LIMK2: variants seen among roughly 807,000 people sequenced by gnomAD.
LIMK2 encodes the protein LIM domain kinase 2.
LIMK2 carries 35 observed loss-of-function variants against 75.7 expected under a neutral mutation model. The observed-to-expected ratio is 0.46, with a 90% CI of 0.35 to 0.61. The LOEUF is 0.61. Among genes scored for constraint, LIMK2 ranks in the 20% least tolerant of loss-of-function variants. LIMK2 has a pLI of 0.00. For missense variants in LIMK2, 623 were observed against 831.0 expected (o/e 0.75, Z 3.08); for synonymous variants, 301 against 319.2 (o/e 0.94, Z 0.61).
At chr22:31,268,027 G>A in intron 10 of LIMK2, 117 bp from the exon 11 acceptor site, 1 of 1,530,628 alleles carries the variant, frequency 6.5e-7, no homozygotes, top group Non-Finnish European at 9.0e-7. Context: ...GGACCATGCT[G>A]GGTGGGACTG....
At chr22:31,243,522 C>T (rs181304515) in intron 2 of LIMK2, among the ~76,000 whole-genome samples, 2 of 152,228 alleles carry the variant, frequency 1.3e-5, no homozygotes, top group Admixed American at 6.5e-5. Context: ...TTGGGGCTGC[C>T]GGTTATGAAG....
chr22:31,277,327 AT>A (rs1246006107), intron 15 of LIMK2: 3 of 1,427,416 alleles, frequency 2.1e-6, no homozygotes, highest in African/African-American at 1.4e-5. Context: ...TTTTATTGTT[AT>A]TAAACTGATG....
rs74943022 is a variant in LIMK2 at position 31,246,784 on chromosome 22, A to C, written c.117-11507A>C. 1.1e-4 allele frequency among the ~76,000 whole-genome samples: 17 copies of C among 151,694 alleles called. No individual in the cohort carries two copies. In the East Asian group the frequency reaches 2.3e-3, roughly 21 times the overall value. On this transcript the variant is annotated intron_variant, in intron 2 of 15. Coordinates refer to ENST00000331728, the MANE Select transcript of LIMK2 (RefSeq NM_005569.4). The stretch of plus-strand genomic sequence containing the variant: ...AAAAAAAAAAAAACAAAAAAAAAAA[A>C]CACCCTCACCACTTATCAGCTATTT...
intron 2 of LIMK2, among the ~76,000 whole-genome samples, chr22:31,247,214 G>T (rs1479706148): frequency 1.4e-5 from 2 of 144,128 alleles, no homozygotes; most frequent in African/African-American, 5.7e-5. Flanking sequence ...AGTGAGATCT[G>T]AGTGTTCTGG....
chr22:31,233,435 T>C (rs2048545154), intron 2 of LIMK2, among the ~76,000 whole-genome samples: 1 of 152,220 alleles, frequency 6.6e-6, no homozygotes, highest in South Asian at 2.1e-4. Flanking sequence ...TCTCTGGTAA[T>C]ACCTGTTTGC....
chr22:31,221,857 AAC>A (rs1368895386), intron 1 of LIMK2, among the ~76,000 whole-genome samples: 3 of 152,126 alleles, frequency 2.0e-5, no homozygotes, highest in Non-Finnish European at 2.9e-5. Flanking sequence ...CTCTTTCCCC[AAC>A]ACAGTGTCAG....
In LIMK2 at chr22:31,275,270, G is replaced by A. The variant is rs117337633; in HGVS notation, c.1734G>A (p.Pro578=). 1.4e-5 allele frequency: 23 copies of A among 1,614,050 alleles called. No individual in the cohort carries two copies. The highest frequency in any genetic ancestry group is 2.7e-5 in the African/African-American group (2 of 74,912). The change falls in exon 15 of 16, where the codon CCG becomes CCA. Residue 578 remains proline, a synonymous_variant. Coordinates refer to ENST00000331728, the MANE Select transcript of LIMK2 (RefSeq NM_005569.4). Reference sequence around the variant, plus strand: ...CAGATTGTCCCCCGGCCTTCTTCCCGCTGGCCGCCATCTGCTGCAGACTGG... The same window carrying A: ...CAGATTGTCCCCCGGCCTTCTTCCCACTGGCCGCCATCTGCTGCAGACTGG... ...VPTDCPPAFF[P]LAAICCRLEP...
intron 2 of LIMK2, among the ~76,000 whole-genome samples, chr22:31,251,965 C>G (rs767617595): frequency 1.3e-5 from 2 of 152,162 alleles, no homozygotes. Flanking sequence ...ACTGGCTGTT[C>G]ACTGGGAGGT....
At chr22:31,246,248 A>C (rs2048669380) in intron 2 of LIMK2, among the ~76,000 whole-genome samples, 2 of 147,028 alleles carry the variant, frequency 1.4e-5, no homozygotes, top group South Asian at 4.3e-4. Context: ...GTGTGGTCCC[A>C]GGATGCACTG....
chr22:31,219,934 C>G (rs1053241406), intron 1 of LIMK2, among the ~76,000 whole-genome samples: 1 of 152,138 alleles, frequency 6.6e-6, no homozygotes, highest in Non-Finnish European at 1.5e-5. Flanking sequence ...GAGAGGTAAA[C>G]ACTATAGAGG....
chr22:31,233,573 G>A (rs1443972474), intron 2 of LIMK2, among the ~76,000 whole-genome samples: 1 of 152,162 alleles, frequency 6.6e-6, no homozygotes, highest in African/African-American at 2.4e-5. Flanking sequence ...CCTAAAATCA[G>A]TATCTCCAGC....
Position 31,275,266 on chromosome 22 carries a change from T to G in LIMK2, c.1730T>G (p.Phe577Cys). The change falls in exon 15 of 16, where the codon TTC becomes TGC. Residue 577 changes from phenylalanine to cysteine, a missense_variant. Phe to Cys is a radical substitution (Grantham distance 205). This residue lies in a region of LIMK2 where 63 missense variants were observed against 122.8 expected (regional missense o/e 0.51). Transcript: ENST00000331728. ...FVPTDCPPAF[F>C]PLAAICCRLE... ...CCCACAGATTGTCCCCCGGCCTTCT[T>G]CCCGCTGGCCGCCATCTGCTGCAGA... The G allele has an allele frequency of 6.2e-7, 1 of 1,614,198 alleles. No individual in the cohort carries two copies. Among genetic ancestry groups the G allele is most frequent in the Non-Finnish European group, 8.5e-7 (1 of 1,180,044 alleles).
intron 5 of LIMK2, among the ~76,000 whole-genome samples, chr22:31,261,545 C>CAAAAAAAAAAA (rs574806431): frequency 7.9e-6 from 1 of 126,370 alleles, no homozygotes; most frequent in East Asian, 3.1e-4. Flanking sequence ...GACTCCATCT[C>CAAAAAAAAAAA]AAAAAAAAAA....
chr22:31,273,704 G>T (rs2048982530), intron 14 of LIMK2, among the ~76,000 whole-genome samples, 197 bp downstream of exon 14: 1 of 152,114 alleles, frequency 6.6e-6, no homozygotes. Flanking sequence ...GACTGGCAGG[G>T]TTTTTTTGTT....
chr22:31,255,752 A>G (rs2048771789), intron 2 of LIMK2, among the ~76,000 whole-genome samples: 1 of 152,166 alleles, frequency 6.6e-6, no homozygotes. Flanking sequence ...GCAAGTTATA[A>G]TAATGCACTT....
In LIMK2 at chr22:31,230,415, T is replaced by C. The variant is rs141209960; in HGVS notation, c.116+4596T>C. ...CAGAGGACCTTGACAACTTTTTTGA[T>C]GATTGTCCGTTCACCCTGATCAAAG... On this transcript the variant is annotated intron_variant, in intron 2 of 15. Transcript: ENST00000331728. Among the ~76,000 whole-genome samples, 711 of 152,284 alleles carry C rather than the reference T, an allele frequency of 4.7e-3. 5 individuals carry two copies. Among genetic ancestry groups the C allele is most frequent in the African/African-American group, 0.016 (669 of 41,550 alleles).
intron 1 of LIMK2, among the ~76,000 whole-genome samples, chr22:31,217,801 T>C (rs1445344545): frequency 2.6e-5 from 4 of 152,232 alleles, no homozygotes; most frequent in Non-Finnish European, 5.9e-5. Context: ...CTGTCTCATT[T>C]GTCACTGCAG....
intron 2 of LIMK2, chr22:31,229,967 C>G (rs956806778): frequency 2.0e-5 from 3 of 152,032 alleles, no homozygotes; most frequent in Admixed American, 6.5e-5. Flanking sequence ...ATCTCCTGGA[C>G]ATATGGCTGA....
In LIMK2 at chr22:31,259,222, C is replaced by T. The variant is rs114180883; in HGVS notation, c.354C>T (p.Thr118=). Residue 118 remains threonine, a synonymous_variant, in exon 4 of 16, where the codon ACC becomes ACT. Coordinates refer to ENST00000331728, the MANE Select transcript of LIMK2 (RefSeq NM_005569.4). ...GDAYALVQHA[T]LYCGKCHNEV... ...CATATGCACTGGTGCAGCATGCCAC[C>T]CTCTACTGGTAAGATAGTGGTCCTT... The T allele has an allele frequency of 1.9e-4, 306 of 1,595,826 alleles. No individual in the cohort carries two copies. The East Asian group carries it at 6.2e-3, about 32-fold the overall frequency.
Sources: gnomAD v4.1 joint callset for allele counts (sites outside exome capture counted in the v4.1 genomes callset) on GRCh38, gnomAD v4.1.1 for gene constraint, gnomAD v4.1.1 regional missense constraint, MANE v1.5 for transcripts, NCBI Gene and HGNC (gene_info 2026-07-23, HGNC 2026-07-21) for gene names.